WIPF2: variants seen among roughly 807,000 people sequenced by gnomAD.
The protein encoded by WIPF2 is WAS/WASL interacting protein family member 2.
A neutral mutation model predicts 38.8 loss-of-function variants in WIPF2; 23 were observed. The ratio of observed to expected loss-of-function variants is 0.59; its 90% CI spans 0.43 to 0.84. The LOEUF (loss-of-function observed/expected upper bound fraction) is 0.84. WIPF2 is among the 40% of genes least tolerant of loss of function. WIPF2 has a pLI of 0.00. For missense variants in WIPF2, 574 were observed against 580.5 expected (o/e 0.99, Z 0.11); for synonymous variants, 210 against 223.2 (o/e 0.94, Z 0.53).
chr17:40,235,676 C>A (rs2030940940), intron 1 of WIPF2, among the ~76,000 whole-genome samples: 3 of 150,494 alleles, frequency 2.0e-5, no homozygotes, highest in Admixed American at 6.7e-5. Context: ...CGGGTTCAAG[C>A]AATTCTCCTA....
At position 40,282,687 on chromosome 17, in the gene WIPF2, C is replaced by G. The variant is rs1318883100; in HGVS notation, c.*4462C>G. ...GCTTAATTAAAACCTTGCTTAAAAACAAAAAGTGAAAATTGTGTACTCTTG... is the reference window on the plus strand; with the variant it reads ...GCTTAATTAAAACCTTGCTTAAAAAGAAAAAGTGAAAATTGTGTACTCTTG... On this transcript the variant is annotated 3_prime_UTR_variant, in exon 8 of 8. Transcript: ENST00000323571. 6.6e-6 allele frequency: 1 copy of G among 152,112 alleles called. No individual in the cohort carries two copies. Among genetic ancestry groups the G allele is most frequent in the Admixed American group, 6.5e-5 (1 of 15,280 alleles). 9.4% of individuals were successfully genotyped at this position (152,112 alleles called of 1,614,324 possible).
chr17:40,237,896 C>CAAAAA (rs758183706), intron 1 of WIPF2, among the ~76,000 whole-genome samples: 2 of 106,006 alleles, frequency 1.9e-5, no homozygotes, highest in African/African-American at 7.4e-5. Flanking sequence ...ACTAAAATAC[C>CAAAAA]AAAAAAAAAA....
At chr17:40,223,135 T>A (rs1328807773) in intron 1 of WIPF2, among the ~76,000 whole-genome samples, 1 of 151,898 alleles carries the variant, frequency 6.6e-6, no homozygotes, top group Non-Finnish European at 1.5e-5. Flanking sequence ...TAGTGTTTGT[T>A]TTTTTATTTG....
chr17:40,249,866 A>G (rs1053849413), intron 1 of WIPF2, among the ~76,000 whole-genome samples: 7 of 146,708 alleles, frequency 4.8e-5, no homozygotes, highest in Non-Finnish European at 8.9e-5. Flanking sequence ...GGAGTCTCGC[A>G]CTGTCACCTG....
At chr17:40,264,326 C>CAAA (rs772320240) in intron 4 of WIPF2, among the ~76,000 whole-genome samples, 164 bp from the exon 5 acceptor site, 26 of 23,924 alleles carry the variant, frequency 1.1e-3, no homozygotes, top group Middle Eastern at 0.025. Context: ...AACTTCGTCT[C>CAAA]AAAAAAAAAA....
At chr17:40,232,053 C>T (rs2030767364) in intron 1 of WIPF2, among the ~76,000 whole-genome samples, 1 of 146,520 alleles carries the variant, frequency 6.8e-6, no homozygotes, top group African/African-American at 2.5e-5. Flanking sequence ...GGCTTTGTCA[C>T]CCAGGCTGGA....
intron 1 of WIPF2, among the ~76,000 whole-genome samples, chr17:40,224,627 T>G (rs2030404829): frequency 6.6e-6 from 1 of 151,776 alleles, no homozygotes; most frequent in African/African-American, 2.4e-5. Flanking sequence ...GCCAGTCCTA[T>G]GTAGAAAGTG....
At chr17:40,256,250 C>G in intron 1 of WIPF2, 141 bp from the exon 2 acceptor site, 1 of 583,348 alleles carries the variant, frequency 1.7e-6, no homozygotes, top group South Asian at 3.2e-5. Context: ...ACAGATTTAC[C>G]AAGCCCTGGA....
chr17:40,281,711 G>A lies in WIPF2; in HGVS notation c.*3486G>A, dbSNP rs189362974. The A allele has an allele frequency of 6.6e-6, 1 of 152,660 alleles. No individual in the cohort carries two copies. The highest frequency in any genetic ancestry group is 1.5e-5 in the Non-Finnish European group (1 of 68,020). The allele number at this position is 152,660 out of a possible 1,614,324, so 9.5% of individuals were successfully genotyped here. Reference sequence around the variant, plus strand: ...ACTTGCTAAAGAGCAACTCAGGGTTGGGGTGTGTTTTAATTCTCCTGATCA... The same window carrying A: ...ACTTGCTAAAGAGCAACTCAGGGTTAGGGTGTGTTTTAATTCTCCTGATCA... On this transcript the variant is annotated 3_prime_UTR_variant, in exon 8 of 8. Coordinates refer to ENST00000323571, the MANE Select transcript of WIPF2 (RefSeq NM_133264.5).
At chr17:40,258,833 G>A (rs1028700354) in intron 2 of WIPF2, among the ~76,000 whole-genome samples, 8 of 151,336 alleles carry the variant, frequency 5.3e-5, no homozygotes, top group African/African-American at 1.9e-4. Context: ...AGGCTGGAGT[G>A]CAGTGGTTGT....
intron 6 of WIPF2, among the ~76,000 whole-genome samples, chr17:40,276,046 A>G (rs2032388934): frequency 6.6e-6 from 1 of 152,228 alleles, no homozygotes; most frequent in Non-Finnish European, 1.5e-5. Flanking sequence ...GGCTGTAGAA[A>G]GTAGTAGTAG....
rs1338435512 is a variant in WIPF2 at position 40,274,572 on chromosome 17, A to G, written c.1180+573A>G. Reference sequence around the variant, plus strand: ...TGGAATTCTTGAAAAAAAAAAAAAAAAAAAAAAAAAAAAAAAGAAAAGTCC... The same window carrying G: ...TGGAATTCTTGAAAAAAAAAAAAAAGAAAAAAAAAAAAAAAAGAAAAGTCC... On this transcript the variant is annotated intron_variant, in intron 6 of 7. Transcript: ENST00000323571. Among the ~76,000 whole-genome samples, 11 of 147,804 alleles carry G rather than the reference A, an allele frequency of 7.4e-5. 1 individual carries two copies. In the East Asian group the frequency reaches 1.8e-3, roughly 24 times the overall value.
chr17:40,235,683 C>T (rs928172394), intron 1 of WIPF2, among the ~76,000 whole-genome samples: 3 of 150,960 alleles, frequency 2.0e-5, no homozygotes, highest in African/African-American at 4.9e-5. Flanking sequence ...AAGCAATTCT[C>T]CTACCTCAGC....
At chr17:40,272,801 A>G (rs2032286547) in intron 5 of WIPF2, among the ~76,000 whole-genome samples, 1 of 152,222 alleles carries the variant, frequency 6.6e-6, no homozygotes, top group Non-Finnish European at 1.5e-5. Context: ...TTGGGAACCC[A>G]GAAGGAGGAA....
At position 40,256,482 on chromosome 17, in the gene WIPF2, C is replaced by T. The variant is rs2031734390; in HGVS notation, c.23C>T (p.Pro8Leu). The T allele has an allele frequency of 6.2e-7, 1 of 1,608,400 alleles. No individual in the cohort carries two copies. The highest frequency in any genetic ancestry group is 8.5e-7 in the Non-Finnish European group (1 of 1,177,806). MPIPPPP[P>L]PPPGPPPPPT... is the part of the protein sequence containing the mutation. ...AGAATGCCAATTCCTCCTCCCCCGC[C>T]ACCCCCACCTGGTCCTCCTCCACCT... is the stretch of plus-strand genomic sequence containing the variant. The change falls in exon 2 of 8, where the codon CCA becomes CTA. Residue 8 changes from proline (P) to leucine (L), a missense_variant. Physicochemically the swap from Pro to Leu is moderately conservative, Grantham distance 98. Coordinates refer to ENST00000323571, the MANE Select transcript of WIPF2 (RefSeq NM_133264.5).
intron 1 of WIPF2, among the ~76,000 whole-genome samples, chr17:40,253,969 T>C (rs1567717781): frequency 6.6e-6 from 1 of 151,970 alleles, no homozygotes; most frequent in Non-Finnish European, 1.5e-5. Flanking sequence ...TGGTCACCCA[T>C]GTAAGGAGTT....
chr17:40,242,507 C>A (rs1454594572), intron 1 of WIPF2, among the ~76,000 whole-genome samples: 1 of 152,150 alleles, frequency 6.6e-6, no homozygotes, highest in African/African-American at 2.4e-5. Context: ...TCAAGTGATT[C>A]TCCTGCCTCA....
At chr17:40,243,878 A>C (rs2031274924) in intron 1 of WIPF2, among the ~76,000 whole-genome samples, 1 of 151,942 alleles carries the variant, frequency 6.6e-6, no homozygotes, top group African/African-American at 2.4e-5. Context: ...TACTTGTTGG[A>C]TCAGTCAGAT....
chr17:40,266,796 C>T (rs2032101910), intron 5 of WIPF2, among the ~76,000 whole-genome samples: 1 of 152,054 alleles, frequency 6.6e-6, no homozygotes, highest in Admixed American at 6.6e-5. Flanking sequence ...GAATAATGAC[C>T]TGGAGGAGGC....
Sources: allele counts gnomAD v4.1 joint callset (sites outside exome capture counted in the v4.1 genomes callset), GRCh38; gene constraint gnomAD v4.1.1; transcripts MANE v1.5; gene names NCBI Gene and HGNC (gene_info 2026-07-23, HGNC 2026-07-21).